Variants in DGKB observed in about 807,000 individuals in gnomAD.
The protein encoded by DGKB is 90 kDa diacylglycerol kinase.
Under a neutral mutation model 114.3 loss-of-function variants are expected in DGKB, and 67 were observed. The ratio of observed to expected loss-of-function variants is 0.59; its 90% CI spans 0.48 to 0.72. The LOEUF (loss-of-function observed/expected upper bound fraction) is 0.72, where lower values mean the gene tolerates loss of function less well. Ranked by LOEUF, DGKB falls within the 30% of genes least tolerant of loss-of-function variation. The pLI is 0.00. For synonymous variants in DGKB, 398 were observed against 323.1 expected (o/e 1.23, Z -2.49); for missense variants, 907 against 975.2 (o/e 0.93, Z 0.93).
At position 14,173,164 on chromosome 7, in the gene DGKB, T is replaced by C. The variant is rs963549989; in HGVS notation, c.2304+3675A>G. The stretch of plus-strand genomic sequence containing the variant: ...GCACTTAAAAATTTATGTTGATGGC[T>C]TTACAGTGACAGAATCTAGATGGTC... On this transcript the variant is annotated intron_variant, in intron 25 of 25. Coordinates refer to ENST00000402815, the MANE Select transcript of DGKB (RefSeq NM_001350709.2). Among the ~76,000 whole-genome samples, 4 of 152,322 alleles carry C rather than the reference T, an allele frequency of 2.6e-5. No homozygotes were observed. In the Middle Eastern group the frequency reaches 0.01, roughly 389 times the overall value.
intron 21 of DGKB, among the ~76,000 whole-genome samples, chr7:14,457,150 A>C (rs1039175023): frequency 6.6e-6 from 1 of 152,184 alleles, no homozygotes; most frequent in Non-Finnish European, 1.5e-5. Flanking sequence ...ATTGTACACA[A>C]GTTAAAAAGT....
chr7:14,247,791 G>A (rs1205970289), intron 23 of DGKB, among the ~76,000 whole-genome samples: 2 of 151,730 alleles, frequency 1.3e-5, no homozygotes, highest in Admixed American at 6.6e-5. Flanking sequence ...CTTCCATTTT[G>A]TAGGTTGTCT....
chr7:14,796,168 C>A (rs538484634), intron 2 of DGKB, among the ~76,000 whole-genome samples: 1 of 152,238 alleles, frequency 6.6e-6, no homozygotes, highest in South Asian at 2.1e-4. Context: ...CAGCAGTTTA[C>A]AAACAGATAA....
chr7:14,620,808 G>A (rs1807489957), intron 15 of DGKB, among the ~76,000 whole-genome samples: 1 of 151,528 alleles, frequency 6.6e-6, no homozygotes, highest in African/African-American at 2.4e-5. Context: ...TTATATAATA[G>A]TATTAAAAAA....
Position 14,667,222 on chromosome 7 carries a change from A to AT in DGKB, c.1134+5706dup, listed in dbSNP as rs141071078. Among the ~76,000 whole-genome samples, 11 of 151,916 alleles carry AT rather than the reference A, an allele frequency of 7.2e-5. No homozygotes were observed. In the East Asian group the frequency reaches 1.9e-3, roughly 27 times the overall value. Reference sequence around the variant, plus strand: ...GGGAAGGCTGAGAAGGGTGGTACAAATTTTTTTTAATGACCCTGGAGAAGG... The same window carrying AT: ...GGGAAGGCTGAGAAGGGTGGTACAAATTTTTTTTTAATGACCCTGGAGAAGG... On this transcript the variant is annotated intron_variant, in intron 13 of 25. Transcript: ENST00000402815.
intron 13 of DGKB, among the ~76,000 whole-genome samples, chr7:14,634,481 T>C (rs1585228729): frequency 6.9e-6 from 1 of 145,152 alleles, no homozygotes. Flanking sequence ...TACAAAGTGA[T>C]ACACACACAC....
intron 1 of DGKB, among the ~76,000 whole-genome samples, chr7:14,948,441 G>A (rs1409681690): frequency 6.6e-6 from 1 of 151,582 alleles, no homozygotes; most frequent in Non-Finnish European, 1.5e-5. Flanking sequence ...TAAAACAACG[G>A]CAACGAATTG....
At chr7:14,737,160 T>A (rs1438673790) in intron 4 of DGKB, among the ~76,000 whole-genome samples, 1 of 152,074 alleles carries the variant, frequency 6.6e-6, no homozygotes, top group Non-Finnish European at 1.5e-5. Context: ...TGGTCTTGGG[T>A]TCTATCCAGT....
At chr7:14,882,296 T>C (rs1000822694) in intron 1 of DGKB, among the ~76,000 whole-genome samples, 2 of 152,064 alleles carry the variant, frequency 1.3e-5, no homozygotes, top group African/African-American at 4.8e-5. Flanking sequence ...TCAGAGTTTA[T>C]ACCAGAGTCT....
intron 23 of DGKB, chr7:14,209,368 A>G: frequency 2.2e-6 from 1 of 456,188 alleles, no homozygotes. Context: ...TTGGAAAGAT[A>G]CAGACACTGC....
chr7:14,545,191 C>G (rs2128628518), intron 20 of DGKB, among the ~76,000 whole-genome samples: 1 of 152,028 alleles, frequency 6.6e-6, no homozygotes, highest in East Asian at 1.9e-4. Flanking sequence ...AAATGTTAGG[C>G]TAATAACATG....
At chr7:14,528,084 T>C (rs1041095589) in intron 20 of DGKB, among the ~76,000 whole-genome samples, 1 of 152,128 alleles carries the variant, frequency 6.6e-6, no homozygotes, top group African/African-American at 2.4e-5. Flanking sequence ...TACAAGTTGA[T>C]GAATTTCATA....
chr7:14,154,601 T>C (rs1782708225), intron 25 of DGKB, among the ~76,000 whole-genome samples: 1 of 151,846 alleles, frequency 6.6e-6, no homozygotes, highest in Admixed American at 6.6e-5. Flanking sequence ...AATAGAGTAA[T>C]AGAGGTAAAT....
At chr7:14,815,995 T>A (rs1844090670) in intron 2 of DGKB, among the ~76,000 whole-genome samples, 2 of 152,170 alleles carry the variant, frequency 1.3e-5, no homozygotes, top group South Asian at 4.1e-4. Flanking sequence ...TTGCTATATT[T>A]TATCTCTGTA....
chr7:14,519,551 C>T (rs1789402293), intron 20 of DGKB, among the ~76,000 whole-genome samples: 1 of 152,044 alleles, frequency 6.6e-6, no homozygotes, highest in African/African-American at 2.4e-5. Context: ...ATGAATATTA[C>T]ATACAACTAT....
chr7:14,354,988 T>G (rs1814165614), intron 21 of DGKB, among the ~76,000 whole-genome samples: 2 of 152,200 alleles, frequency 1.3e-5, no homozygotes, highest in Non-Finnish European at 2.9e-5. Flanking sequence ...TAGTGCCCAC[T>G]GGAAAACCCG....
At chr7:14,936,686 C>T (rs7776558) in intron 1 of DGKB, among the ~76,000 whole-genome samples, 29,558 of 151,974 alleles carry the variant, frequency 0.19, 4,401 homozygotes, top group East Asian at 0.66. Flanking sequence ...CCTCCACCCC[C>T]GCCTTCTTTT....
chr7:14,276,380 A>G (rs150307479), intron 23 of DGKB, among the ~76,000 whole-genome samples: 132 of 152,332 alleles, frequency 8.7e-4, no homozygotes, highest in African/African-American at 3.0e-3. Flanking sequence ...CAATAAAGAC[A>G]TGATAAAATA....
chr7:14,441,784 T>C (rs553073552), intron 21 of DGKB, among the ~76,000 whole-genome samples: 32 of 152,092 alleles, frequency 2.1e-4, no homozygotes, highest in African/African-American at 7.5e-4. Context: ...TCTTATCAAC[T>C]GCCTTTATTT....
Sources: allele counts gnomAD v4.1 joint callset (sites outside exome capture counted in the v4.1 genomes callset), GRCh38; gene constraint gnomAD v4.1.1; transcripts MANE v1.5; gene names NCBI Gene and HGNC (gene_info 2026-07-23, HGNC 2026-07-21).